Variants in RORA observed in about 807,000 individuals in gnomAD.
RORA encodes the protein nuclear receptor ROR-alpha.
In RORA, 7 loss-of-function variants were observed where a neutral mutation model predicts 69.5. The observed-to-expected ratio is 0.10, with a 90% CI of 0.06 to 0.19. The LOEUF (loss-of-function observed/expected upper bound fraction) is 0.19, where lower values mean the gene tolerates loss of function less well. Among genes scored for constraint, RORA ranks in the 10% least tolerant of loss-of-function variants. The pLI is 1.00. For missense variants in RORA, 457 were observed against 663.0 expected, an observed-to-expected ratio of 0.69 and a Z score of 3.41; for synonymous variants, 261 against 240.8, an observed-to-expected ratio of 1.08 and a Z score of -0.78.
At position 60,492,564 on chromosome 15, in the gene RORA, C is replaced by T. The variant is rs1011069454; in HGVS notation, c.*4891G>A. The T allele has an allele frequency of 6.6e-6, 1 of 152,044 alleles. No individual in the cohort carries two copies. The highest frequency in any genetic ancestry group is 1.5e-5 in the Non-Finnish European group (1 of 67,998). 9.4% of individuals were successfully genotyped at this position (152,044 alleles called of 1,614,324 possible). On this transcript the variant is annotated 3_prime_UTR_variant, in exon 11 of 11. Transcript: ENST00000335670. ...TCACTGTACTGATAGGCAGGTCTCT[C>T]CTCTTATTACTGGATTTTAAAATTT...
chr15:60,537,742 A>G lies in RORA; in HGVS notation c.197-5891T>C, dbSNP rs1166481982. Among the ~76,000 whole-genome samples, 1 of 152,226 alleles carries G rather than the reference A, an allele frequency of 6.6e-6. No individual in the cohort carries two copies. The highest frequency in any genetic ancestry group is 2.4e-5 in the African/African-American group (1 of 41,450). On this transcript the variant is annotated intron_variant, in intron 2 of 10. Transcript: ENST00000335670. This position sits in a 1 kb window ranked among gnomAD's most constrained non-coding sequence, Gnocchi z 4.9. ...TTGGTCTGCTAAGTTCATTTTAAAT[A>G]TAACACTAATATGTTTCCCTAGTAC... is the stretch of plus-strand genomic sequence containing the variant.
At chr15:60,919,603 G>A (rs1441748906) in intron 1 of RORA, among the ~76,000 whole-genome samples, 1 of 152,132 alleles carries the variant, frequency 6.6e-6, no homozygotes, top group Non-Finnish European at 1.5e-5. Flanking sequence ...AAAGACTCCT[G>A]TATCACATTC....
At chr15:60,549,386 AT>A (rs560251838) in intron 2 of RORA, among the ~76,000 whole-genome samples, 279 of 152,308 alleles carry the variant, frequency 1.8e-3, no homozygotes, top group African/African-American at 6.3e-3. Context: ...CCATGAATTA[AT>A]TTAAGAAACA....
intron 1 of RORA, among the ~76,000 whole-genome samples, chr15:61,211,456 A>G (rs925989877): frequency 6.6e-6 from 1 of 152,218 alleles, no homozygotes; most frequent in Admixed American, 6.5e-5. Flanking sequence ...CTGTCAGATC[A>G]AACACACACA....
rs2073721807 is a variant in RORA, at chr15:60,884,028, T to A, written c.167-205342A>T. On this transcript the variant is annotated intron_variant, in intron 1 of 10. Transcript: ENST00000335670. ...GCTAAAACAATGGAGAAGCTACAAA[T>A]GAGATTCGTTGGTTATAGCCTCCAG... is the stretch of plus-strand genomic sequence containing the variant. 2.6e-5 allele frequency among the ~76,000 whole-genome samples: 4 copies of A among 152,188 alleles called. No individual in the cohort carries two copies. In the South Asian group the frequency reaches 6.2e-4, roughly 24 times the overall value.
chr15:60,626,286 G>T (rs966825066), intron 2 of RORA, among the ~76,000 whole-genome samples: 1 of 152,156 alleles, frequency 6.6e-6, no homozygotes, highest in Non-Finnish European at 1.5e-5. Context: ...CAGGGAAAAT[G>T]ATCCCTAGGG....
chr15:61,179,159 G>C (rs889489827), intron 1 of RORA, among the ~76,000 whole-genome samples: 3 of 152,224 alleles, frequency 2.0e-5, no homozygotes, highest in Non-Finnish European at 4.4e-5. Context: ...ACTCCATAGA[G>C]GGAAGCAGCA....
At chr15:60,688,520 T>G (rs1264664981) in intron 1 of RORA, among the ~76,000 whole-genome samples, 2 of 152,168 alleles carry the variant, frequency 1.3e-5, no homozygotes, top group Non-Finnish European at 2.9e-5. Flanking sequence ...ATTGCAAACA[T>G]CTCTCTGTGA....
intron 2 of RORA, among the ~76,000 whole-genome samples, chr15:60,548,634 GTATT>G (rs60500094): frequency 6.6e-6 from 1 of 151,946 alleles, no homozygotes; most frequent in Non-Finnish European, 1.5e-5. Context: ...TAGCATTAGT[GTATT>G]TATTTATTTA....
chr15:60,523,207 T>C (rs2066235566), intron 3 of RORA, among the ~76,000 whole-genome samples: 1 of 152,200 alleles, frequency 6.6e-6, no homozygotes, highest in African/African-American at 2.4e-5. Flanking sequence ...GTTCATGTCA[T>C]TGTTGGCGAA....
At chr15:60,994,347 A>G (rs766195069) in intron 1 of RORA, among the ~76,000 whole-genome samples, 6 of 152,224 alleles carry the variant, frequency 3.9e-5, no homozygotes, top group Non-Finnish European at 8.8e-5. Context: ...TAGTAGCTGT[A>G]ACTGTAAATA....
At chr15:61,056,090 G>C (rs2078092557) in intron 1 of RORA, among the ~76,000 whole-genome samples, 1 of 151,996 alleles carries the variant, frequency 6.6e-6, no homozygotes, top group Non-Finnish European at 1.5e-5. Flanking sequence ...GCTTTAAAAA[G>C]GAAAAGAGAC....
At chr15:60,701,918 G>A (rs2070987568) in intron 1 of RORA, among the ~76,000 whole-genome samples, 2 of 152,302 alleles carry the variant, frequency 1.3e-5, no homozygotes, top group East Asian at 1.9e-4. Flanking sequence ...TTCTCATAAA[G>A]GTCACATTTC....
At chr15:60,561,292 A>G (rs571491593) in intron 2 of RORA, among the ~76,000 whole-genome samples, 21 of 152,032 alleles carry the variant, frequency 1.4e-4, no homozygotes, top group Non-Finnish European at 2.4e-4. Context: ...CGTGTTAGCC[A>G]GGATGGTCTC....
intron 1 of RORA, among the ~76,000 whole-genome samples, chr15:60,686,396 A>G (rs550205501): frequency 3.9e-5 from 6 of 152,388 alleles, no homozygotes; most frequent in African/African-American, 1.4e-4. Context: ...GTCCCAAAGT[A>G]TGATTAGTAC....
chr15:61,121,974 G>T (rs1011239361), intron 1 of RORA, among the ~76,000 whole-genome samples: 1 of 152,078 alleles, frequency 6.6e-6, no homozygotes. Context: ...TGAAATCCTG[G>T]ACAATATAAG....
chr15:61,143,785 T>C (rs1211255669), intron 1 of RORA, among the ~76,000 whole-genome samples: 5 of 152,072 alleles, frequency 3.3e-5, no homozygotes, highest in African/African-American at 1.2e-4. Flanking sequence ...GGCTCAAATA[T>C]TTAAATGTAA....
Position 60,627,507 on chromosome 15 carries a change from TA to T in RORA, c.196+51149del. On this transcript the variant is annotated intron_variant, in intron 2 of 10. Transcript: ENST00000335670. Reference sequence around the variant, plus strand: ...GAATGATGGGGAGGAGTATGGGGGATAATGCTCAGAGGCCCTGTGAATCTGC... The same window carrying T: ...GAATGATGGGGAGGAGTATGGGGGATATGCTCAGAGGCCCTGTGAATCTGC... 9.9e-6 allele frequency: 15 copies of T among 1,509,658 alleles called. No homozygotes were observed. In the South Asian group the frequency reaches 1.6e-4, roughly 16 times the overall value. The allele number at this position is 1,509,658 out of a possible 1,614,324, so 93.5% of individuals were successfully genotyped here.
At chr15:60,575,031 T>C (rs1382074634) in intron 2 of RORA, among the ~76,000 whole-genome samples, 1 of 151,894 alleles carries the variant, frequency 6.6e-6, no homozygotes, top group East Asian at 1.9e-4. Flanking sequence ...TTTTATGTGG[T>C]GATTAGGCAA....
Sources: gnomAD v4.1 joint callset for allele counts (sites outside exome capture counted in the v4.1 genomes callset) on GRCh38, gnomAD v4.1.1 for gene constraint, Gnocchi (gnomAD v3.1) non-coding constraint, MANE v1.5 for transcripts, NCBI Gene and HGNC (gene_info 2026-07-23, HGNC 2026-07-21) for gene names.